The following TMCO4 variants were observed in gnomAD, a reference collection of about 807,000 sequenced individuals.
TMCO4 encodes transmembrane and coiled-coil domains 4, also known as transmembrane and coiled-coil domain-containing protein 4.
TMCO4 carries 58 observed loss-of-function variants against 64.7 expected under a neutral mutation model. The observed-to-expected ratio is 0.90, with a 90% confidence interval of 0.73 to 1.12. The LOEUF (loss-of-function observed/expected upper bound fraction) is 1.12. TMCO4 is among the 50% of genes most tolerant of loss of function. The pLI is 0.00. For missense variants in TMCO4, 780 were observed against 825.9 expected, an observed-to-expected ratio of 0.94 and a Z score of 0.68; for synonymous variants, 325 against 346.1, an observed-to-expected ratio of 0.94 and a Z score of 0.68.
rs533448645 is a variant in TMCO4 at position 19,777,903 on chromosome 1, G to A, written c.179+2677C>T. ...GAATAAAAAGTTAGCCAGGCATGGT[G>A]GCATGCATCTGTAGTCCCAGCTACT... On this transcript the variant is annotated intron_variant, in intron 4 of 15. Transcript: ENST00000294543. Among the ~76,000 whole-genome samples the A allele has an allele frequency of 2.6e-5, 4 of 152,266 alleles. No individual in the cohort carries two copies. The East Asian group carries it at 7.7e-4, about 29-fold the overall frequency.
Position 19,682,787 on chromosome 1 carries a change from A to T in TMCO4, c.*253T>A. 1.4e-6 allele frequency: 1 copy of T among 717,830 alleles called. No individual in the cohort carries two copies. The allele number at this position is 717,830 out of a possible 1,614,324, so 44.5% of individuals were successfully genotyped here. ...CTAACCTGTGCTTGGTTGACTCTGC[A>T]GGTCTCTGATGAGGGGGCAGCTGCT... On this transcript the variant is annotated 3_prime_UTR_variant, in exon 16 of 16. Coordinates refer to ENST00000294543, the MANE Select transcript of TMCO4 (RefSeq NM_181719.7).
intron 10 of TMCO4, among the ~76,000 whole-genome samples, chr1:19,742,004 C>T (rs1415415393): frequency 6.6e-6 from 1 of 152,070 alleles, no homozygotes; most frequent in East Asian, 1.9e-4. Flanking sequence ...CTCCCAAGTG[C>T]TGGAATTATA....
chr1:19,794,605 T>C (rs1337158295), intron 2 of TMCO4, among the ~76,000 whole-genome samples: 1 of 152,222 alleles, frequency 6.6e-6, no homozygotes, highest in Non-Finnish European at 1.5e-5. Flanking sequence ...ATACCCCACC[T>C]TCAAATTATA....
At chr1:19,759,101 CAAAAAAA>C (rs1163885215) in intron 6 of TMCO4, among the ~76,000 whole-genome samples, 12 of 21,178 alleles carry the variant, frequency 5.7e-4, no homozygotes, top group Admixed American at 1.7e-3. Context: ...GACTCGGTCT[CAAAAAAA>C]AAAAAAAAAA....
chr1:19,736,561 C>T (rs1178738588), intron 13 of TMCO4, among the ~76,000 whole-genome samples: 1 of 152,146 alleles, frequency 6.6e-6, no homozygotes, highest in East Asian at 1.9e-4. Context: ...AGCAGTGAAC[C>T]ACTCCAAGTG....
intron 13 of TMCO4, among the ~76,000 whole-genome samples, chr1:19,725,758 T>C (rs572100202): frequency 2.8e-4 from 43 of 152,314 alleles, no homozygotes; most frequent in Non-Finnish European, 5.7e-4. Context: ...GGCAGGTGCA[T>C]GTTTTGTCTT....
At position 19,721,560 on chromosome 1, in the gene TMCO4, G is replaced by A. The variant is rs189113049; in HGVS notation, c.1264+15812C>T. Among the ~76,000 whole-genome samples, 437 of 152,274 alleles carry A rather than the reference G, an allele frequency of 2.9e-3. 1 individual carries two copies. The highest frequency in any genetic ancestry group is 9.8e-3 in the African/African-American group (406 of 41,558). On this transcript the variant is annotated intron_variant, in intron 13 of 15. Coordinates refer to ENST00000294543, the MANE Select transcript of TMCO4 (RefSeq NM_181719.7). Reference sequence around the variant, plus strand: ...TCCTAGCACTTTGGGAGGCCGAGGTGAGTGGATCGCTCAAGCTCAGGAGTT... The same window carrying A: ...TCCTAGCACTTTGGGAGGCCGAGGTAAGTGGATCGCTCAAGCTCAGGAGTT...
chr1:19,747,106 C>A, intron 8 of TMCO4, 57 bp downstream of exon 8: 13 of 1,564,216 alleles, frequency 8.3e-6, no homozygotes, highest in Non-Finnish European at 1.1e-5. Context: ...CACAGCCTGG[C>A]ATCATTTCTC....
At chr1:19,733,852 TG>T in intron 13 of TMCO4, among the ~76,000 whole-genome samples, 1 of 152,014 alleles carries the variant, frequency 6.6e-6, no homozygotes, top group East Asian at 1.9e-4. Flanking sequence ...CTGCCTGCTC[TG>T]CCACCTCCTA....
At chr1:19,786,665 C>T (rs1033596266) in intron 3 of TMCO4, among the ~76,000 whole-genome samples, 2 of 152,120 alleles carry the variant, frequency 1.3e-5, no homozygotes, top group African/African-American at 4.8e-5. Context: ...AACGGCCATG[C>T]GGGAGGCTGA....
chr1:19,703,469 CCCT>C (rs1160045387), intron 13 of TMCO4, among the ~76,000 whole-genome samples: 1 of 151,028 alleles, frequency 6.6e-6, no homozygotes, highest in African/African-American at 2.4e-5. Context: ...TTCCTTCCTT[CCCT>C]CCTTCCTTCC....
At chr1:19,697,235 T>C (rs895866872) in intron 14 of TMCO4, among the ~76,000 whole-genome samples, 2 of 152,094 alleles carry the variant, frequency 1.3e-5, no homozygotes, top group African/African-American at 4.8e-5. Flanking sequence ...CTCCAGGGAG[T>C]GCCCTGGGCC....
chr1:19,699,267 G>T (rs867288476), intron 14 of TMCO4, among the ~76,000 whole-genome samples: 33 of 151,798 alleles, frequency 2.2e-4, no homozygotes, highest in African/African-American at 7.2e-4. Flanking sequence ...CATTTATTGG[G>T]CACCTACTAA....
intron 14 of TMCO4, among the ~76,000 whole-genome samples, chr1:19,695,254 C>T (rs781145232): frequency 5.9e-5 from 9 of 152,236 alleles, no homozygotes; most frequent in Admixed American, 4.6e-4. Context: ...GAAATGACCT[C>T]GGACCCTCTG....
In TMCO4 at chr1:19,682,479, T is replaced by C. The variant is rs1471327332; in HGVS notation, c.*561A>G. 4.7e-6 allele frequency: 3 copies of C among 637,778 alleles called. No homozygotes were observed. Among genetic ancestry groups the C allele is most frequent in the Non-Finnish European group, 8.7e-6 (3 of 346,814 alleles). 39.5% of individuals were successfully genotyped at this position (637,778 alleles called of 1,614,324 possible). ...TTATGCAGCGCACAGCCTACATGGCTGTACAGGGCAGATCTGATTGGATCT... is the reference window on the plus strand; with the variant it reads ...TTATGCAGCGCACAGCCTACATGGCCGTACAGGGCAGATCTGATTGGATCT... On this transcript the variant is annotated 3_prime_UTR_variant, in exon 16 of 16. Coordinates refer to ENST00000294543, the MANE Select transcript of TMCO4 (RefSeq NM_181719.7).
intron 13 of TMCO4, among the ~76,000 whole-genome samples, chr1:19,717,627 G>A (rs145562783): frequency 6.6e-6 from 1 of 152,254 alleles, no homozygotes; most frequent in Non-Finnish European, 1.5e-5. Context: ...GCACCTTCCT[G>A]CCTCTGGACT....
intron 13 of TMCO4, among the ~76,000 whole-genome samples, chr1:19,701,633 A>T (rs2095272938): frequency 6.6e-6 from 1 of 152,108 alleles, no homozygotes; most frequent in Admixed American, 6.5e-5. Flanking sequence ...TTTAGAAGAG[A>T]CTAACGGGCC....
At chr1:19,767,150 A>AAC (rs1281235098) in intron 6 of TMCO4, among the ~76,000 whole-genome samples, 2 of 152,232 alleles carry the variant, frequency 1.3e-5, no homozygotes, top group African/African-American at 2.4e-5. Context: ...CGTTTTGACT[A>AAC]ACAGCAGTTG....
chr1:19,683,686 T>A (rs1245462380), intron 15 of TMCO4, among the ~76,000 whole-genome samples: 1 of 151,092 alleles, frequency 6.6e-6, no homozygotes. Flanking sequence ...AAAATCTGGA[T>A]CCTTTTGGGG....
Sources: allele counts gnomAD v4.1 joint callset (sites outside exome capture counted in the v4.1 genomes callset), GRCh38; gene constraint gnomAD v4.1.1; transcripts MANE v1.5; gene names NCBI Gene and HGNC (gene_info 2026-07-23, HGNC 2026-07-21).